RALYL: variants seen among roughly 807,000 people sequenced by gnomAD.
RALYL encodes RNA-binding Raly-like protein.
In RALYL, 29 loss-of-function variants were observed where a neutral mutation model predicts 35.1. That is an observed-to-expected ratio of 0.83 (90% CI 0.61 to 1.13). RALYL has a LOEUF of 1.13. Among genes scored for constraint, RALYL ranks in the 50% most tolerant of loss-of-function variants. The probability of loss-of-function intolerance (pLI) is 0.00; values close to 1 mark genes in which losing one functional copy is unlikely to be tolerated. For synonymous variants in RALYL, 120 were observed against 127.6 expected (o/e 0.94, Z 0.40); for missense variants, 359 against 360.4 (o/e 1.00, Z 0.03).
intron 1 of RALYL, among the ~76,000 whole-genome samples, chr8:84,287,517 T>C (rs1010596784): frequency 6.6e-5 from 10 of 152,008 alleles, no homozygotes; most frequent in Admixed American, 5.2e-4. Flanking sequence ...AGAAGGGTCA[T>C]GGGTGGCATC....
chr8:84,411,439 C>T (rs1248982138), intron 1 of RALYL, among the ~76,000 whole-genome samples: 1 of 151,838 alleles, frequency 6.6e-6, no homozygotes. Context: ...TATTCCCTCT[C>T]CCTTTAACCA....
intron 1 of RALYL, among the ~76,000 whole-genome samples, chr8:84,236,140 T>A (rs1346256466): frequency 1.3e-5 from 2 of 152,154 alleles, no homozygotes; most frequent in Non-Finnish European, 2.9e-5. Context: ...ACATCCAGTA[T>A]AATCAACTTG....
intron 2 of RALYL, among the ~76,000 whole-genome samples, chr8:84,724,508 T>C (rs1844583607): frequency 6.6e-6 from 1 of 151,832 alleles, no homozygotes; most frequent in South Asian, 2.1e-4. Flanking sequence ...TGGCAAACTT[T>C]AAAAGTACCA....
intron 1 of RALYL, among the ~76,000 whole-genome samples, chr8:84,284,974 T>A (rs1837315458): frequency 6.6e-6 from 1 of 152,210 alleles, no homozygotes; most frequent in Non-Finnish European, 1.5e-5. Flanking sequence ...TCAAGTGAAT[T>A]TCTTTCTGTG....
intron 1 of RALYL, among the ~76,000 whole-genome samples, chr8:84,442,251 T>C (rs1306855428): frequency 6.6e-6 from 1 of 152,158 alleles, no homozygotes; most frequent in Non-Finnish European, 1.5e-5. Flanking sequence ...ATCACTGTAA[T>C]AACATAGCTA....
chr8:84,831,514 A>G (rs1380933483), intron 4 of RALYL, among the ~76,000 whole-genome samples: 1 of 152,196 alleles, frequency 6.6e-6, no homozygotes, highest in Non-Finnish European at 1.5e-5. Flanking sequence ...CATCTTAAGG[A>G]TCAACCTGTT....
At chr8:84,262,911 G>A (rs1394948242) in intron 1 of RALYL, among the ~76,000 whole-genome samples, 1 of 152,082 alleles carries the variant, frequency 6.6e-6, no homozygotes, top group Non-Finnish European at 1.5e-5. Flanking sequence ...CTAGCTAAGG[G>A]TAATGGTCAA....
chr8:84,284,602 G>T (rs1837249512), intron 1 of RALYL, among the ~76,000 whole-genome samples: 1 of 152,104 alleles, frequency 6.6e-6, no homozygotes, highest in Non-Finnish European at 1.5e-5. Flanking sequence ...TTCAAGGAAA[G>T]AGCAGTTTTC....
intron 1 of RALYL, among the ~76,000 whole-genome samples, chr8:84,372,886 G>GTTTTTTTGTTTTTTTTTTTTTT (rs1856062222): frequency 5.1e-5 from 2 of 39,064 alleles, no homozygotes; most frequent in Non-Finnish European, 9.1e-5. Context: ...GCCAGCATCT[G>GTTTTTTTGTTTTTTTTTTTTTT]TTTTTTTTTT....
intron 1 of RALYL, among the ~76,000 whole-genome samples, chr8:84,378,638 T>C (rs997654439): frequency 6.6e-6 from 1 of 151,864 alleles, no homozygotes; most frequent in African/African-American, 2.4e-5. Context: ...AACTATGGCC[T>C]TTGTAATACT....
intron 8 of RALYL, among the ~76,000 whole-genome samples, chr8:84,901,429 T>C (rs1356370855): frequency 6.6e-6 from 1 of 152,150 alleles, no homozygotes; most frequent in Non-Finnish European, 1.5e-5. Flanking sequence ...ATTCCAGAGC[T>C]ACATTTTTAC....
intron 1 of RALYL, among the ~76,000 whole-genome samples, chr8:84,235,913 C>T (rs1014146103): frequency 3.2e-4 from 48 of 151,612 alleles, no homozygotes; most frequent in Admixed American, 3.9e-4. Context: ...ATTATAGGCA[C>T]GTGCCACCAC....
At chr8:84,544,146 CT>C (rs2060200917) in intron 2 of RALYL, among the ~76,000 whole-genome samples, 1 of 151,970 alleles carries the variant, frequency 6.6e-6, no homozygotes, top group Non-Finnish European at 1.5e-5. Context: ...TGGTTCTCCT[CT>C]GTGAGGTTAT....
intron 1 of RALYL, among the ~76,000 whole-genome samples, chr8:84,477,103 T>C (rs138342647): frequency 2.0e-5 from 3 of 152,296 alleles, no homozygotes; most frequent in African/African-American, 7.2e-5. Context: ...CATTCACTTA[T>C]TGCTATGTAA....
At chr8:84,532,436 T>C (rs570634062) in intron 2 of RALYL, among the ~76,000 whole-genome samples, 1 of 152,088 alleles carries the variant, frequency 6.6e-6, no homozygotes. Flanking sequence ...CACTTGCTTC[T>C]TGAGTTTTTT....
At chr8:84,765,433 C>T (rs1192308273) in intron 2 of RALYL, among the ~76,000 whole-genome samples, 1 of 152,076 alleles carries the variant, frequency 6.6e-6, no homozygotes, top group Non-Finnish European at 1.5e-5. Flanking sequence ...ATGCTTGGCA[C>T]GTGGGCTTTG....
At chr8:84,197,617 G>A (rs1194695798) in intron 1 of RALYL, among the ~76,000 whole-genome samples, 2 of 151,984 alleles carry the variant, frequency 1.3e-5, no homozygotes, top group Non-Finnish European at 2.9e-5. Flanking sequence ...TCCAGAAGAT[G>A]AGACTATCTA....
chr8:84,265,859 T>A (rs1253145776), intron 1 of RALYL, among the ~76,000 whole-genome samples: 2 of 152,186 alleles, frequency 1.3e-5, no homozygotes, highest in Non-Finnish European at 2.9e-5. Context: ...CAAGATGAGA[T>A]ATTGCAATAT....
chr8:84,626,038 G>GA (rs1254768517), intron 2 of RALYL, among the ~76,000 whole-genome samples: 2 of 150,784 alleles, frequency 1.3e-5, no homozygotes, highest in African/African-American at 2.4e-5. Context: ...AGTTAGCAAA[G>GA]AAAAAAAAGG....
Sources: allele counts gnomAD v4.1 joint callset (sites outside exome capture counted in the v4.1 genomes callset), GRCh38; gene constraint gnomAD v4.1.1; transcripts MANE v1.5; gene names NCBI Gene and HGNC (gene_info 2026-07-23, HGNC 2026-07-21).